The following VAV3 variants were observed in gnomAD, a reference collection of about 807,000 sequenced individuals.
VAV3 encodes the protein guanine nucleotide exchange factor VAV3.
In VAV3, 94 loss-of-function variants were observed where a neutral mutation model predicts 131.2. That is an observed-to-expected ratio of 0.72 (90% CI 0.61 to 0.85). The LOEUF is 0.85. VAV3 is among the 40% of genes least tolerant of loss of function. The pLI, the probability that VAV3 is intolerant of heterozygous loss-of-function variation, is 0.00. For missense variants in VAV3, 939 were observed against 1,002.7 expected (o/e 0.94, Z 0.86); for synonymous variants, 349 against 342.0 (o/e 1.02, Z -0.22).
Position 107,688,302 on chromosome 1 carries a change from T to C in VAV3, c.1731+79A>G, listed in dbSNP as rs1659177016. 6 of 1,520,250 alleles carry C rather than the reference T, an allele frequency of 3.9e-6. No homozygotes were observed. The African/African-American group carries it at 5.6e-5, about 14-fold the overall frequency. 94.2% of individuals were successfully genotyped at this position (1,520,250 alleles called of 1,614,324 possible). On this transcript the variant is annotated intron_variant, in intron 18 of 26. Coordinates refer to ENST00000370056, the MANE Select transcript of VAV3 (RefSeq NM_006113.5). ...ATTTTAAAAGGCACATTTAACAGTGTAAAAGCCCAAGCCTGGTTAAGTTAG... is the reference window on the plus strand; with the variant it reads ...ATTTTAAAAGGCACATTTAACAGTGCAAAAGCCCAAGCCTGGTTAAGTTAG...
intron 1 of VAV3, among the ~76,000 whole-genome samples, chr1:107,898,343 TA>T (rs1671702334): frequency 6.6e-6 from 1 of 152,116 alleles, no homozygotes; most frequent in South Asian, 2.1e-4. Context: ...ATATGAAAAA[TA>T]AATGTTTTTA....
At chr1:107,733,900 C>T (rs1662424962) in intron 15 of VAV3, among the ~76,000 whole-genome samples, 1 of 150,906 alleles carries the variant, frequency 6.6e-6, no homozygotes, top group African/African-American at 2.4e-5. Flanking sequence ...ACACCAAGAA[C>T]ACCAATGTCA....
intron 1 of VAV3, among the ~76,000 whole-genome samples, chr1:107,926,611 G>C (rs1673170491): frequency 6.6e-6 from 1 of 151,982 alleles, no homozygotes; most frequent in Admixed American, 6.6e-5. Flanking sequence ...GTGTGGTAGA[G>C]AGAGAGAATC....
chr1:107,871,408 A>G (rs1670248041), intron 2 of VAV3, among the ~76,000 whole-genome samples: 1 of 151,600 alleles, frequency 6.6e-6, no homozygotes, highest in South Asian at 2.1e-4. Flanking sequence ...TCAGTATTTA[A>G]CAACCCTGAA....
chr1:107,751,504 G>C (rs187693774), intron 12 of VAV3, among the ~76,000 whole-genome samples: 1 of 152,048 alleles, frequency 6.6e-6, no homozygotes, highest in Non-Finnish European at 1.5e-5. Flanking sequence ...GAGACGGTTC[G>C]GCAATTAATA....
intron 1 of VAV3, among the ~76,000 whole-genome samples, chr1:107,883,007 C>T (rs550085999): frequency 4.6e-5 from 7 of 152,282 alleles, no homozygotes; most frequent in South Asian, 4.1e-4. Flanking sequence ...CAAAACCTCC[C>T]TATTCTCAGC....
At chr1:107,893,581 A>T (rs1671418309) in intron 1 of VAV3, among the ~76,000 whole-genome samples, 2 of 152,066 alleles carry the variant, frequency 1.3e-5, no homozygotes, top group Non-Finnish European at 2.9e-5. Context: ...CAGGCAAAAA[A>T]AGCTTCCGGA....
In VAV3 at chr1:107,663,227, A is replaced by T. The variant is rs115030352; in HGVS notation, c.1777+20261T>A. ...TTAAAAATATACTTTCCCTTTGCAG[A>T]TATTCAAATGGAATTCTAAGATACA... On this transcript the variant is annotated intron_variant, in intron 19 of 26. Coordinates refer to ENST00000370056, the MANE Select transcript of VAV3 (RefSeq NM_006113.5). 9.3e-3 allele frequency among the ~76,000 whole-genome samples: 1,415 copies of T among 152,308 alleles called. 14 individuals are homozygous for T. The highest frequency in any genetic ancestry group is 0.029 in the African/African-American group (1,190 of 41,556).
chr1:107,725,322 T>C (rs1025685894), intron 15 of VAV3, among the ~76,000 whole-genome samples: 2 of 152,126 alleles, frequency 1.3e-5, no homozygotes, highest in African/African-American at 4.8e-5. Flanking sequence ...ATCCTTAACA[T>C]CATGAATGGT....
At chr1:107,760,103 G>A (rs774643034) in intron 10 of VAV3, among the ~76,000 whole-genome samples, 1 of 152,096 alleles carries the variant, frequency 6.6e-6, no homozygotes, top group Non-Finnish European at 1.5e-5. Context: ...CACAGCCGAC[G>A]CAAAATTGTA....
chr1:107,761,699 T>C (rs1275829023), intron 9 of VAV3, among the ~76,000 whole-genome samples: 5 of 152,190 alleles, frequency 3.3e-5, no homozygotes, highest in Non-Finnish European at 7.4e-5. Context: ...CAATCACAAT[T>C]GGGTGTACTC....
intron 17 of VAV3, among the ~76,000 whole-genome samples, chr1:107,690,336 G>A (rs183094482): frequency 3.3e-5 from 5 of 152,066 alleles, no homozygotes; most frequent in Admixed American, 6.6e-5. Flanking sequence ...TGGTATTTAC[G>A]GTGGTCAAGT....
intron 15 of VAV3, among the ~76,000 whole-genome samples, chr1:107,705,733 G>A (rs551533568): frequency 1.3e-5 from 2 of 152,192 alleles, no homozygotes; most frequent in South Asian, 4.1e-4. Flanking sequence ...ACAACCATAT[G>A]ACATTCATTT....
chr1:107,633,484 T>C (rs1024844968), intron 20 of VAV3, among the ~76,000 whole-genome samples: 1 of 152,178 alleles, frequency 6.6e-6, no homozygotes, highest in Non-Finnish European at 1.5e-5. Flanking sequence ...TTCAGTGCCC[T>C]TGGAACAGCT....
intron 2 of VAV3, among the ~76,000 whole-genome samples, chr1:107,838,051 C>T (rs1189117637): frequency 6.6e-6 from 1 of 151,902 alleles, no homozygotes; most frequent in African/African-American, 2.4e-5. Context: ...ACCTAATTAA[C>T]CTAAAGAGCT....
chr1:107,907,660 TTCTC>T (rs372342017), intron 1 of VAV3, among the ~76,000 whole-genome samples: 8 of 151,096 alleles, frequency 5.3e-5, no homozygotes, highest in Non-Finnish European at 7.4e-5. Context: ...TGTGCGTGCG[TTCTC>T]TCTCTCTCTC....
intron 15 of VAV3, among the ~76,000 whole-genome samples, chr1:107,744,765 C>CA (rs1225825143): frequency 1.3e-5 from 2 of 152,024 alleles, no homozygotes; most frequent in African/African-American, 2.4e-5. Flanking sequence ...AAAACAAAAA[C>CA]AAAAAACACA....
At chr1:107,683,055 C>T (rs1480657354) in intron 19 of VAV3, among the ~76,000 whole-genome samples, 1 of 152,124 alleles carries the variant, frequency 6.6e-6, no homozygotes, top group Non-Finnish European at 1.5e-5. Flanking sequence ...TATAAAATAG[C>T]ATGGATATAG....
chr1:107,579,421 G>C (rs1649876865), intron 25 of VAV3, among the ~76,000 whole-genome samples: 1 of 152,156 alleles, frequency 6.6e-6, no homozygotes, highest in Non-Finnish European at 1.5e-5. Context: ...CTAGCTCAAA[G>C]TCCCATGTTT....
Sources: gnomAD v4.1 joint callset for allele counts (sites outside exome capture counted in the v4.1 genomes callset) on GRCh38, gnomAD v4.1.1 for gene constraint, MANE v1.5 for transcripts, NCBI Gene and HGNC (gene_info 2026-07-23, HGNC 2026-07-21) for gene names.